LMLN: variants seen among roughly 807,000 people sequenced by gnomAD.
LMLN encodes leishmanolysin-like peptidase.
LMLN carries 70 observed loss-of-function variants against 92.3 expected under a neutral mutation model. The ratio of observed to expected loss-of-function variants is 0.76; its 90% confidence interval spans 0.63 to 0.92. LMLN has a LOEUF of 0.92. Ranked by LOEUF, LMLN falls within the 40% of genes least tolerant of loss-of-function variation. The pLI is 0.00. For synonymous variants in LMLN, 308 were observed against 296.2 expected, an observed-to-expected ratio of 1.04 and a Z score of -0.41; for missense variants, 691 against 814.6, an observed-to-expected ratio of 0.85 and a Z score of 1.85.
chr3:198,031,629 G>C lies in LMLN; in HGVS notation c.1657-4204G>C, dbSNP rs190112062. Among the ~76,000 whole-genome samples, 31 of 152,270 alleles carry C rather than the reference G, an allele frequency of 2.0e-4. No individual in the cohort carries two copies. The highest frequency in any genetic ancestry group is 7.5e-4 in the African/African-American group (31 of 41,546). On this transcript the variant is annotated intron_variant, in intron 14 of 15. Coordinates refer to ENST00000330198, the Ensembl canonical transcript of LMLN. This position sits in a 1 kb window ranked among gnomAD's most constrained non-coding sequence, Gnocchi z 4.8. ...TGAAAGCATTTTTCCTTTGTGTGCT[G>C]ACTGTCAGTGTCATTCTGAGTTTCA...
intron 1 of LMLN, among the ~76,000 whole-genome samples, chr3:197,973,921 T>C (rs1721298385): frequency 1.3e-5 from 2 of 152,204 alleles, no homozygotes; most frequent in African/African-American, 4.8e-5. Context: ...ACTTCTTTTA[T>C]TCATCCCTGA....
intron 6 of LMLN, 24 bp downstream of exon 6, chr3:197,980,528 T>C (rs1340875062): frequency 1.2e-6 from 2 of 1,601,570 alleles, no homozygotes; most frequent in Non-Finnish European, 8.5e-7. Flanking sequence ...CGGGACTTAG[T>C]TTCCAAGATC....
intron 1 of LMLN, among the ~76,000 whole-genome samples, chr3:197,965,264 C>T (rs755668809): frequency 2.0e-5 from 3 of 152,194 alleles, no homozygotes; most frequent in Non-Finnish European, 2.9e-5. Context: ...AGCAATCCTC[C>T]TGCTTCAGCC....
Position 197,986,908 on chromosome 3 carries a change from C to T in LMLN, c.929+1018C>T, listed in dbSNP as rs1297517394. ...AGGCTGGAGTGCAGTGGTGTGATCT[C>T]GGCTCACTGCAAGCTCCGCCTCCAG... On this transcript the variant is annotated intron_variant, in intron 8 of 15. Coordinates refer to ENST00000330198, the Ensembl canonical transcript of LMLN. Among the ~76,000 whole-genome samples the T allele has an allele frequency of 4.1e-5, 6 of 147,742 alleles. No individual in the cohort carries two copies. The East Asian group carries it at 7.9e-4, about 19-fold the overall frequency.
intron 11 of LMLN, among the ~76,000 whole-genome samples, chr3:198,018,403 AAAGTT>A (rs775112445): frequency 5.9e-5 from 9 of 152,210 alleles, no homozygotes; most frequent in Non-Finnish European, 1.3e-4. Flanking sequence ...GAAGCTCAGG[AAAGTT>A]AAGTAAATTC....
intron 5 of LMLN, among the ~76,000 whole-genome samples, chr3:197,977,939 C>G (rs1452794435): frequency 2.0e-5 from 3 of 151,772 alleles, no homozygotes; most frequent in Non-Finnish European, 4.4e-5. Flanking sequence ...TGGAAGTATA[C>G]ACACGTTAAA....
rs766515162 is a variant in LMLN at position 197,960,336 on chromosome 3, A to T, written c.115A>T (p.Ser39Cys). ...CTGGAGCGGGTCTGTGTGGGTCCGA[A>T]GCGTTTTACTCCTGTTGGGCGGGCT... is the stretch of plus-strand genomic sequence containing the variant. The change falls in exon 1 of 16, where the codon AGC (serine) becomes TGC (cysteine). Residue 39 changes from serine (S) to cysteine (C), a missense_variant. Ser to Cys is a moderately radical substitution (Grantham distance 112). Around this residue, in one of 4 missense-constraint regions of LMLN, gnomAD observed 240 missense variants for 287.3 expected, o/e 0.84. Transcript: ENST00000330198. 30 of 1,613,696 alleles carry T rather than the reference A, an allele frequency of 1.9e-5. No individual in the cohort carries two copies. Among genetic ancestry groups the T allele is most frequent in the Non-Finnish European group, 2.5e-5 (30 of 1,179,946 alleles).
intron 6 of LMLN, among the ~76,000 whole-genome samples, chr3:197,982,432 G>A (rs1282180066): frequency 6.6e-6 from 1 of 151,876 alleles, no homozygotes; most frequent in Non-Finnish European, 1.5e-5. Flanking sequence ...TGCCATGTTG[G>A]TCAGGCTGGT....
chr3:197,999,618 C>T, intron 11 of LMLN: 2 of 341,282 alleles, frequency 5.9e-6, no homozygotes, highest in Non-Finnish European at 1.1e-5. Context: ...TCCTGGACTT[C>T]CCGGGCTCAA....
chr3:198,038,446 G>A (rs1041175778), intron 15 of LMLN, 121 bp from the exon 17 acceptor site: 5 of 713,050 alleles, frequency 7.0e-6, no homozygotes, highest in Non-Finnish European at 9.7e-6. Context: ...TCTTGATTTA[G>A]CTCTCAAGGT....
intron 11 of LMLN, 71 bp downstream of exon 11, chr3:197,999,413 G>A (rs573992456): frequency 2.8e-6 from 3 of 1,070,124 alleles, no homozygotes; most frequent in Admixed American, 1.9e-5. Context: ...TATAGCTTAA[G>A]AAAATGCTGA....
chr3:197,964,831 G>T (rs1313719475), intron 1 of LMLN, among the ~76,000 whole-genome samples: 1 of 151,808 alleles, frequency 6.6e-6, no homozygotes, highest in Non-Finnish European at 1.5e-5. Context: ...AACATGGCGA[G>T]ACCTGTCTCT....
chr3:198,038,381 T>C (rs1723293790), intron 15 of LMLN, 186 bp from the exon 17 acceptor site: 1 of 539,530 alleles, frequency 1.9e-6, no homozygotes, highest in African/African-American at 1.9e-5. Flanking sequence ...TTCCTCCATA[T>C]ATATTTTTCC....
chr3:197,991,435 A>G (rs1217519495), intron 9 of LMLN, among the ~76,000 whole-genome samples: 1 of 152,058 alleles, frequency 6.6e-6, no homozygotes, highest in South Asian at 2.1e-4. Flanking sequence ...TTTGGCTCAC[A>G]TGACTGTGGA....
chr3:197,999,571 C>T (rs1722116397), intron 11 of LMLN: 7 of 506,414 alleles, frequency 1.4e-5, no homozygotes, highest in South Asian at 4.5e-5. Flanking sequence ...ACTCCTTCTG[C>T]GCAGGCTGGA....
intron 9 of LMLN, among the ~76,000 whole-genome samples, chr3:197,992,179 CA>C (rs760907544): frequency 1.3e-5 from 2 of 151,908 alleles, no homozygotes; most frequent in Non-Finnish European, 2.9e-5. Flanking sequence ...GATGTATACA[CA>C]CATCCTATTG....
At chr3:197,983,124 A>AT (rs764177446) in intron 6 of LMLN, among the ~76,000 whole-genome samples, 9 of 152,384 alleles carry the variant, frequency 5.9e-5, no homozygotes, top group Admixed American at 1.3e-4. Flanking sequence ...GTCTGTTGCT[A>AT]TTACCTATGA....
At chr3:198,026,289 C>G (rs915098638) in intron 14 of LMLN, among the ~76,000 whole-genome samples, 4 of 151,110 alleles carry the variant, frequency 2.6e-5, no homozygotes, top group African/African-American at 9.7e-5. Context: ...ATTTTACATA[C>G]CATACAATTT....
intron 11 of LMLN, among the ~76,000 whole-genome samples, chr3:198,012,822 T>C (rs1722489148): frequency 6.7e-6 from 1 of 149,606 alleles, no homozygotes; most frequent in Non-Finnish European, 1.5e-5. Context: ...CTAACTAGTC[T>C]GACTTCTCTC....
Sources: allele counts gnomAD v4.1 joint callset (sites outside exome capture counted in the v4.1 genomes callset), GRCh38; gene constraint gnomAD v4.1.1; regional missense constraint gnomAD v4.1.1; non-coding constraint Gnocchi (gnomAD v3.1); transcripts MANE v1.5; gene names NCBI Gene and HGNC (gene_info 2026-07-23, HGNC 2026-07-21).